The following STK35 variants were observed in gnomAD, a reference collection of about 807,000 sequenced individuals.
STK35 encodes the protein serine/threonine-protein kinase 35.
In STK35, 17 loss-of-function variants were observed where a neutral mutation model predicts 37.3. That is an observed-to-expected ratio of 0.46 (90% CI 0.31 to 0.68). The LOEUF (loss-of-function observed/expected upper bound fraction) is 0.68, where lower values mean the gene tolerates loss of function less well. Among genes scored for constraint, STK35 ranks in the 30% least tolerant of loss-of-function variants. The pLI is 0.05. For synonymous variants in STK35, 385 were observed against 319.1 expected (o/e 1.21, Z -2.20); for missense variants, 595 against 746.7 (o/e 0.80, Z 2.37).
chr20:2,102,909 C>T lies in STK35; in HGVS notation c.436C>T (p.Gln146Ter), dbSNP rs376078164. ...GAAGGACGGCGCCCGCAGAGGTACA[C>T]AAAGCCCGGAGCGGAAAAGGCGAAG... The part of the protein sequence containing the change: ...TGKDGARRGT[Q>*]SPERKRRSPV... The change falls in exon 2 of 4, where the codon CAA (glutamine) becomes TAA (stop). Residue 146 changes from glutamine (Q) to a stop codon, truncating the protein, a stop_gained. Transcript: ENST00000381482. LOFTEE classifies it high-confidence loss of function. The T allele has an allele frequency of 1.9e-6, 3 of 1,561,490 alleles. No individual in the cohort carries two copies. The highest frequency in any genetic ancestry group is 1.7e-6 in the Non-Finnish European group (2 of 1,162,354).
intron 3 of STK35, among the ~76,000 whole-genome samples, chr20:2,138,803 T>C (rs1166651229): frequency 2.0e-5 from 3 of 152,144 alleles, no homozygotes; most frequent in African/African-American, 7.2e-5. Context: ...GAGGATTGCA[T>C]GAGCGAAGCC....
chr20:2,135,232 T>A (rs543716563), intron 3 of STK35, among the ~76,000 whole-genome samples: 1 of 152,332 alleles, frequency 6.6e-6, no homozygotes, highest in South Asian at 2.1e-4. Context: ...CGACAGTCTG[T>A]CTGCCTTTCA....
chr20:2,134,941 C>CTT (rs1488221721), intron 3 of STK35, among the ~76,000 whole-genome samples: 1 of 152,098 alleles, frequency 6.6e-6, no homozygotes, highest in East Asian at 1.9e-4. Context: ...ACTTCCCAGC[C>CTT]CTAAGGGGCT....
In STK35 at chr20:2,102,826, G is replaced by T. The variant is rs954779900; in HGVS notation, c.353G>T (p.Gly118Val). ...AGGGCCGGACGGAGGGATGAGGCAG[G>T]GGGGGCCCGGGCAGCGCCGTTGCTG... The part of the protein sequence containing the change: ...RPRAGRRDEA[G>V]GARAAPLLLP... Residue 118 changes from glycine to valine, a missense_variant, in exon 2 of 4, where the codon GGG (glycine) becomes GTG (valine). Gly to Val is a moderately radical substitution (Grantham distance 109, BLOSUM62 -3). Coordinates refer to ENST00000381482, the MANE Select transcript of STK35 (RefSeq NM_080836.4). The T allele has an allele frequency of 5.9e-6, 9 of 1,528,600 alleles. No individual in the cohort carries two copies. Among genetic ancestry groups the T allele is most frequent in the African/African-American group, 1.4e-5 (1 of 71,526 alleles). The allele number at this position is 1,528,600 out of a possible 1,614,324, so 94.7% of individuals were successfully genotyped here. A position where few individuals can be genotyped will look rare whatever the true frequency, so the allele number is the denominator to read the frequency against.
intron 3 of STK35, among the ~76,000 whole-genome samples, chr20:2,135,754 T>G (rs1408475584): frequency 3.3e-5 from 5 of 152,168 alleles, no homozygotes; most frequent in African/African-American, 1.2e-4. Context: ...TCCCAGCTAC[T>G]CAGGAGAATC....
rs895334753 is a variant in STK35, at chr20:2,143,859, G to T, written c.*113G>T. 2.3e-6 allele frequency: 1 copy of T among 442,738 alleles called. No homozygotes were observed. The highest frequency in any genetic ancestry group is 4.5e-6 in the Non-Finnish European group (1 of 223,224). The allele number at this position is 442,738 out of a possible 1,614,324, so 27.4% of individuals were successfully genotyped here. A position where few individuals can be genotyped will look rare whatever the true frequency, so the allele number is the denominator to read the frequency against. ...AGAGGGTACAGGTGGTGGCCTGGCC[G>T]GTTGGCGATCTCCCGACAGCTGGAT... On this transcript the variant is annotated 3_prime_UTR_variant, in exon 4 of 4. Transcript: ENST00000381482.
chr20:2,132,720 A>G (rs190776402), intron 3 of STK35, among the ~76,000 whole-genome samples: 29 of 152,268 alleles, frequency 1.9e-4, no homozygotes, highest in Admixed American at 1.6e-3. Context: ...AAGATGAGAA[A>G]CCTTTGCTTC....
Position 2,102,849 on chromosome 20 carries a change from C to T in STK35, c.376C>T (p.Leu126=). ...EAGGARAAPL[L]LPPPPAAMET... The stretch of plus-strand genomic sequence containing the variant: ...AGGGGGGGCCCGGGCAGCGCCGTTG[C>T]TGCTCCCCCCGCCGCCCGCAGCCAT... Residue 126 remains leucine, a synonymous_variant, in exon 2 of 4, where the codon CTG becomes TTG. Coordinates refer to ENST00000381482, the MANE Select transcript of STK35 (RefSeq NM_080836.4). The T allele has an allele frequency of 6.5e-7, 1 of 1,547,238 alleles. No individual in the cohort carries two copies.
chr20:2,141,411 G>GGGTCTACTTACCCAGGGTCTA (rs1986170373), intron 3 of STK35, among the ~76,000 whole-genome samples: 1 of 151,972 alleles, frequency 6.6e-6, no homozygotes, highest in Middle Eastern at 3.2e-3. Flanking sequence ...TTGGTCACCC[G>GGGTCTACTTACCCAGGGTCTA]CTCCCTGGGC....
In STK35 at chr20:2,102,803, G is replaced by T; in HGVS notation, c.330G>T (p.Arg110Ser). 1 of 1,503,896 alleles carries T rather than the reference G, an allele frequency of 6.6e-7. No homozygotes were observed. Among genetic ancestry groups the T allele is most frequent in the Non-Finnish European group, 8.8e-7 (1 of 1,131,036 alleles). 93.2% of individuals were successfully genotyped at this position (1,503,896 alleles called of 1,614,324 possible). The change falls in exon 2 of 4, where the codon AGG becomes AGT. Residue 110 changes from arginine to serine, a missense_variant. By Grantham distance (110) the Arg-to-Ser change is moderately radical. Transcript: ENST00000381482. ...AAGGTCCGGCTCCTCCGCGTCCCAG[G>T]GCCGGACGGAGGGATGAGGCAGGGG... is the stretch of plus-strand genomic sequence containing the variant. ...TIQGPAPPRPRAGRRDEAGGA... is the reference protein window; with the variant it reads ...TIQGPAPPRPSAGRRDEAGGA...
intron 2 of STK35, among the ~76,000 whole-genome samples, chr20:2,112,114 T>G (rs540002936): frequency 1.3e-5 from 2 of 152,256 alleles, no homozygotes; most frequent in Non-Finnish European, 2.9e-5. Flanking sequence ...TGGCGTTGAC[T>G]AAAACCTGGA....
At chr20:2,102,286 C>A in intron 1 of STK35, 111 bp downstream of exon 1, 1 of 1,335,292 alleles carries the variant, frequency 7.5e-7, no homozygotes, top group Non-Finnish European at 9.7e-7. Context: ...CTCCGAGAAG[C>A]CGAACTTTTC....
At chr20:2,126,300 A>C (rs1371429979) in intron 3 of STK35, among the ~76,000 whole-genome samples, 1 of 152,184 alleles carries the variant, frequency 6.6e-6, no homozygotes, top group South Asian at 2.1e-4. Flanking sequence ...AATAATGCAG[A>C]TGAGATATGG....
chr20:2,111,834 G>A lies in STK35; in HGVS notation c.893-4832G>A, dbSNP rs547381438. ...TCTTCTGTGATTATCCAGACTACTC[G>A]TGTCCCTGGCGCACACCCACCTGCT... On this transcript the variant is annotated intron_variant, in intron 2 of 3. Coordinates refer to ENST00000381482, the MANE Select transcript of STK35 (RefSeq NM_080836.4). Among the ~76,000 whole-genome samples the A allele has an allele frequency of 9.9e-4, 150 of 152,236 alleles. 2 individuals are homozygous for A. Among genetic ancestry groups the A allele is most frequent in the African/African-American group, 3.5e-3 (147 of 41,530 alleles).
chr20:2,137,872 GACTA>G (rs747278029), intron 3 of STK35, among the ~76,000 whole-genome samples: 11 of 152,272 alleles, frequency 7.2e-5, no homozygotes, highest in South Asian at 2.1e-4. Context: ...AGTGAAGAAT[GACTA>G]ACCCCACTTA....
intron 3 of STK35, among the ~76,000 whole-genome samples, chr20:2,119,443 C>G (rs1459517106): frequency 1.3e-5 from 2 of 152,108 alleles, no homozygotes; most frequent in Non-Finnish European, 2.9e-5. Flanking sequence ...ACTGGAAAAC[C>G]CAAAGGTATT....
At chr20:2,142,998 A>G (rs1020148072) in intron 3 of STK35, among the ~76,000 whole-genome samples, 1 of 152,232 alleles carries the variant, frequency 6.6e-6, no homozygotes, top group Non-Finnish European at 1.5e-5. Context: ...ATAATAGCCA[A>G]CACTAATAGG....
Position 2,117,150 on chromosome 20 carries a change from G to A in STK35, c.1377G>A (p.Lys459=). The change falls in exon 3 of 4, where the codon AAG becomes AAA. Residue 459 remains lysine, a synonymous_variant. Transcript: ENST00000381482. This position sits in a 1 kb window ranked among gnomAD's most constrained non-coding sequence, Gnocchi z 4.4. The part of the protein sequence containing the change: ...ERITFIDSET[K]KELLGTYIKQ... ...TCACTTTTATTGACTCTGAGACCAAGAAGGAGCTCCTGGGGACCTACATTA... is the reference window on the plus strand; with the variant it reads ...TCACTTTTATTGACTCTGAGACCAAAAAGGAGCTCCTGGGGACCTACATTA... The A allele has an allele frequency of 1.2e-6, 2 of 1,613,970 alleles. No homozygotes were observed. Among genetic ancestry groups the A allele is most frequent in the South Asian group, 1.1e-5 (1 of 91,078 alleles).
intron 2 of STK35, among the ~76,000 whole-genome samples, chr20:2,111,535 A>G (rs965456352): frequency 1.3e-5 from 2 of 152,088 alleles, no homozygotes; most frequent in Middle Eastern, 3.4e-3. Flanking sequence ...TGTCTCTACT[A>G]AAAATAGAAA....
Sources: allele counts gnomAD v4.1 joint callset (sites outside exome capture counted in the v4.1 genomes callset), GRCh38; gene constraint gnomAD v4.1.1; non-coding constraint Gnocchi (gnomAD v3.1); transcripts MANE v1.5; gene names NCBI Gene and HGNC (gene_info 2026-07-23, HGNC 2026-07-21).